Variants in CNTNAP2 observed in about 807,000 individuals in gnomAD.
The protein encoded by CNTNAP2 is contactin-associated protein-like 2.
In CNTNAP2, 98 loss-of-function variants were observed where a neutral mutation model predicts 155.2. The observed-to-expected ratio is 0.63, with a 90% CI of 0.54 to 0.75. The LOEUF is 0.75. Ranked by LOEUF, CNTNAP2 falls within the 30% of genes least tolerant of loss-of-function variation. The pLI, the probability that CNTNAP2 is intolerant of heterozygous loss-of-function variation, is 0.00. For missense variants in CNTNAP2, 1,727 were observed against 1,688.1 expected (o/e 1.02, Z -0.40); for synonymous variants, 651 against 631.2 (o/e 1.03, Z -0.47).
At chr7:146,417,988 A>G (rs1055239752) in intron 1 of CNTNAP2, among the ~76,000 whole-genome samples, 2 of 152,176 alleles carry the variant, frequency 1.3e-5, no homozygotes, top group African/African-American at 2.4e-5. Flanking sequence ...GTTGGGGGAT[A>G]TAAAAAAGGC....
At chr7:146,631,198 G>C (rs1799505127) in intron 1 of CNTNAP2, among the ~76,000 whole-genome samples, 1 of 152,198 alleles carries the variant, frequency 6.6e-6, no homozygotes, top group African/African-American at 2.4e-5. Flanking sequence ...CATGGTACTG[G>C]TACCAAAACA....
At chr7:148,177,166 C>T (rs945912569) in intron 18 of CNTNAP2, among the ~76,000 whole-genome samples, 2 of 152,160 alleles carry the variant, frequency 1.3e-5, no homozygotes, top group African/African-American at 4.8e-5. Context: ...TAGTGTCCCC[C>T]AAAATTCATG....
intron 7 of CNTNAP2, among the ~76,000 whole-genome samples, chr7:147,129,905 A>G (rs1330618927): frequency 6.6e-6 from 1 of 152,162 alleles, no homozygotes; most frequent in Non-Finnish European, 1.5e-5. Context: ...AAATTTTCTC[A>G]TAAAGTATAT....
intron 3 of CNTNAP2, among the ~76,000 whole-genome samples, chr7:147,003,344 A>C (rs1053504292): frequency 3.3e-5 from 5 of 151,034 alleles, no homozygotes; most frequent in South Asian, 2.1e-4. Flanking sequence ...AACCCCCCCC[A>C]AAAAAGTAGC....
chr7:146,266,638 C>T (rs1395499865), intron 1 of CNTNAP2, among the ~76,000 whole-genome samples: 3 of 152,100 alleles, frequency 2.0e-5, no homozygotes, highest in South Asian at 4.1e-4. Context: ...TTGCTTTCTG[C>T]AGCAGAATGG....
intron 15 of CNTNAP2, among the ~76,000 whole-genome samples, chr7:148,106,736 T>G (rs1804232089): frequency 6.6e-6 from 1 of 152,042 alleles, no homozygotes; most frequent in Non-Finnish European, 1.5e-5. Flanking sequence ...AAATACTACA[T>G]AGTCTTATTT....
Position 146,439,018 on chromosome 7 carries a change from A to G in CNTNAP2, c.97+322045A>G, listed in dbSNP as rs953881688. ...ATGTTAGCTTTACATTGCATTTTCA[A>G]AAACAGAAAACAGTGTAGGATTTCA... is the stretch of plus-strand genomic sequence containing the variant. On this transcript the variant is annotated intron_variant, in intron 1 of 23. Coordinates refer to ENST00000361727, the MANE Select transcript of CNTNAP2 (RefSeq NM_014141.6). Among the ~76,000 whole-genome samples the G allele has an allele frequency of 7.3e-5, 11 of 151,504 alleles. 1 individual carries two copies. Among genetic ancestry groups the G allele is most frequent in the African/African-American group, 2.7e-4 (11 of 40,800 alleles).
At chr7:147,829,708 T>C (rs116580495) in intron 13 of CNTNAP2, among the ~76,000 whole-genome samples, 337 of 152,278 alleles carry the variant, frequency 2.2e-3, no homozygotes, top group African/African-American at 7.8e-3. Flanking sequence ...TGTTAAATGA[T>C]GTGTATACAA....
At chr7:146,919,363 G>A (rs900310955) in intron 3 of CNTNAP2, among the ~76,000 whole-genome samples, 3 of 152,174 alleles carry the variant, frequency 2.0e-5, no homozygotes, top group African/African-American at 7.2e-5. Flanking sequence ...AGATTATTTT[G>A]TCCCATGGGG....
Position 146,643,901 on chromosome 7 carries a change from G to A in CNTNAP2, c.98-130370G>A, listed in dbSNP as rs551931829. Among the ~76,000 whole-genome samples the A allele has an allele frequency of 6.6e-5, 10 of 151,758 alleles. No individual in the cohort carries two copies. In the South Asian group the frequency reaches 1.3e-3, roughly 19 times the overall value. On this transcript the variant is annotated intron_variant, in intron 1 of 23. Coordinates refer to ENST00000361727, the MANE Select transcript of CNTNAP2 (RefSeq NM_014141.6). ...CGTCTCTTGTAAGTTGGATTCCTAGGTATTTTATTCTCTTTGAAGCAATTG... is the reference window on the plus strand; with the variant it reads ...CGTCTCTTGTAAGTTGGATTCCTAGATATTTTATTCTCTTTGAAGCAATTG...
At chr7:146,437,430 T>A (rs1584925230) in intron 1 of CNTNAP2, among the ~76,000 whole-genome samples, 1 of 151,560 alleles carries the variant, frequency 6.6e-6, no homozygotes, top group East Asian at 1.9e-4. Flanking sequence ...GAATCAAAAC[T>A]ATATTTCATA....
chr7:147,939,746 G>A (rs188171321), intron 14 of CNTNAP2, among the ~76,000 whole-genome samples: 1 of 152,154 alleles, frequency 6.6e-6, no homozygotes, highest in African/African-American at 2.4e-5. Flanking sequence ...ATTATATTCT[G>A]ATCAAAAGAA....
At chr7:146,817,426 C>A (rs200763279) in intron 2 of CNTNAP2, among the ~76,000 whole-genome samples, 5 of 151,190 alleles carry the variant, frequency 3.3e-5, no homozygotes, top group African/African-American at 1.2e-4. Flanking sequence ...GAGCCGAGAT[C>A]GTGCCACTGC....
chr7:146,956,504 T>A (rs555731571), intron 3 of CNTNAP2, among the ~76,000 whole-genome samples: 1 of 152,182 alleles, frequency 6.6e-6, no homozygotes, highest in East Asian at 1.9e-4. Context: ...CAGCCAAGTG[T>A]ACATTGCAAT....
At chr7:147,200,900 A>G (rs907772545) in intron 8 of CNTNAP2, among the ~76,000 whole-genome samples, 1 of 152,244 alleles carries the variant, frequency 6.6e-6, no homozygotes, top group East Asian at 1.9e-4. Context: ...TATAAAACAT[A>G]AAGCTCAAAA....
At chr7:147,822,516 ATATATTT>A (rs1798377768) in intron 13 of CNTNAP2, among the ~76,000 whole-genome samples, 1 of 152,076 alleles carries the variant, frequency 6.6e-6, no homozygotes, top group Non-Finnish European at 1.5e-5. Flanking sequence ...TGACTTCTAG[ATATATTT>A]TTGGAGTGTT....
rs114047568 is a variant in CNTNAP2, at chr7:147,150,817, A to G, written c.1348+18308A>G. Among the ~76,000 whole-genome samples the G allele has an allele frequency of 7.6e-3, 1,164 of 152,336 alleles. 12 individuals are homozygous for G. The highest frequency in any genetic ancestry group is 0.026 in the African/African-American group (1,093 of 41,572). ...CAGAGTAGGTAAGTAATCACACTGT[A>G]TAATAAAGAAAATAAACTGGAACTA... On this transcript the variant is annotated intron_variant, in intron 8 of 23. Transcript: ENST00000361727.
intron 2 of CNTNAP2, among the ~76,000 whole-genome samples, chr7:146,833,737 A>G (rs1199556699): frequency 2.6e-5 from 4 of 152,162 alleles, no homozygotes; most frequent in African/African-American, 9.7e-5. Context: ...ACACACAGGG[A>G]ACTTACATTA....
intron 1 of CNTNAP2, among the ~76,000 whole-genome samples, chr7:146,647,091 G>C (rs1403777870): frequency 1.3e-5 from 2 of 152,216 alleles, no homozygotes; most frequent in Admixed American, 1.3e-4. Context: ...ACTGAGGGCA[G>C]AGTCTGTAGT....
Sources: gnomAD v4.1 joint callset for allele counts (sites outside exome capture counted in the v4.1 genomes callset) on GRCh38, gnomAD v4.1.1 for gene constraint, MANE v1.5 for transcripts, NCBI Gene and HGNC (gene_info 2026-07-23, HGNC 2026-07-21) for gene names.